The following CDH23 variants were observed in gnomAD, a reference collection of about 807,000 sequenced individuals.
CDH23 encodes the protein cadherin-23.
A neutral mutation model predicts 317.1 loss-of-function variants in CDH23; 189 were observed. The ratio of observed to expected loss-of-function variants is 0.60; its 90% CI spans 0.53 to 0.67. CDH23 has a LOEUF of 0.67. Among genes scored for constraint, CDH23 ranks in the 30% least tolerant of loss-of-function variants. CDH23 has a pLI of 0.00. For missense variants in CDH23, 4,401 were observed against 4,592.4 expected, an observed-to-expected ratio of 0.96 and a Z score of 1.20; for synonymous variants, 1,839 against 1,876.8, an observed-to-expected ratio of 0.98 and a Z score of 0.52.
chr10:71,485,188 G>A (rs1173221935), intron 3 of CDH23, among the ~76,000 whole-genome samples: 2 of 151,784 alleles, frequency 1.3e-5, no homozygotes, highest in Admixed American at 6.6e-5. Context: ...CACCATGCCC[G>A]GCTAATTTTT....
chr10:71,620,445 T>C (rs754854818), intron 11 of CDH23, among the ~76,000 whole-genome samples: 1 of 152,096 alleles, frequency 6.6e-6, no homozygotes, highest in Non-Finnish European at 1.5e-5. Context: ...CCCCAACTGG[T>C]TGGGGGCAAT....
At chr10:71,797,242 T>C in intron 49 of CDH23, 22 bp downstream of exon 49, 1 of 1,535,396 alleles carries the variant, frequency 6.5e-7, no homozygotes, top group South Asian at 1.1e-5. Flanking sequence ...TGCAGACATC[T>C]CTCATTGGTC....
At chr10:71,773,324 C>CTT (rs937997078) in intron 38 of CDH23, 2 of 1,574,660 alleles carry the variant, frequency 1.3e-6, no homozygotes, top group Non-Finnish European at 8.6e-7. Context: ...CTTCTCCCAG[C>CTT]TTTTTCCCAG....
Position 71,397,184 on chromosome 10 carries a change from C to G in CDH23, c.-140C>G. ...GGAGACCCAGGAGCTGCCGGCACGC[C>G]GCGGATGAGCCTTCGCGCCGGCGGG... is the stretch of plus-strand genomic sequence containing the variant. On this transcript the variant is annotated 5_prime_UTR_variant, in exon 1 of 70. Coordinates refer to ENST00000224721, the MANE Select transcript of CDH23 (RefSeq NM_022124.6). The surrounding 1 kb of genome is among the most constrained non-coding windows in gnomAD (Gnocchi z 4.8). 4.2e-6 allele frequency: 1 copy of G among 239,446 alleles called. No individual in the cohort carries two copies. The highest frequency in any genetic ancestry group is 3.8e-5 in the South Asian group (1 of 26,598). The allele number at this position is 239,446 out of a possible 1,614,324, so 14.8% of individuals were successfully genotyped here. A position where few individuals can be genotyped will look rare whatever the true frequency, so the allele number is the denominator to read the frequency against.
intron 16 of CDH23, 139 bp from the exon 17 acceptor site, chr10:71,679,248 A>T: frequency 1.5e-6 from 1 of 664,904 alleles, no homozygotes; most frequent in Admixed American, 2.3e-5. Context: ...GTCCTGGGCC[A>T]GGACAAGACC....
chr10:71,462,475 T>A (rs925205348), intron 3 of CDH23, among the ~76,000 whole-genome samples: 4 of 152,174 alleles, frequency 2.6e-5, no homozygotes, highest in African/African-American at 7.2e-5. Context: ...GAACCCGCTG[T>A]CCTCAAGAGT....
rs1418418456 is a variant in CDH23, at chr10:71,675,075, G to A, written c.1450-37G>A. The A allele has an allele frequency of 1.0e-5, 16 of 1,598,228 alleles. No individual in the cohort carries two copies. The South Asian group carries it at 1.8e-4, about 18-fold the overall frequency. On this transcript the variant is annotated intron_variant, in intron 14 of 69. Coordinates refer to ENST00000224721, the MANE Select transcript of CDH23 (RefSeq NM_022124.6). ...CCTGTGGACCTGAAGCCTCAGCTGG[G>A]CCTGGCAGTAATGACTTCTTGTTCT...
At chr10:71,753,342 A>G (rs540960343) in intron 38 of CDH23, among the ~76,000 whole-genome samples, 35 of 152,330 alleles carry the variant, frequency 2.3e-4, no homozygotes, top group African/African-American at 8.4e-4. Flanking sequence ...GACCTTCAGG[A>G]TTTAAGTATC....
intron 28 of CDH23, chr10:71,715,931 C>T: frequency 6.9e-7 from 1 of 1,458,100 alleles, no homozygotes; most frequent in Non-Finnish European, 9.1e-7. Context: ...TTTGTGGACA[C>T]CCCATTACAT....
At chr10:71,546,438 G>A (rs1856287192) in intron 6 of CDH23, among the ~76,000 whole-genome samples, 1 of 152,168 alleles carries the variant, frequency 6.6e-6, no homozygotes, top group Non-Finnish European at 1.5e-5. Flanking sequence ...ATTTTAAGGT[G>A]GTGTAATAAA....
intron 3 of CDH23, among the ~76,000 whole-genome samples, chr10:71,459,411 G>A (rs75735345): frequency 0.055 from 8,305 of 152,154 alleles, 749 homozygotes; most frequent in African/African-American, 0.19. Flanking sequence ...ACCGTGCTTG[G>A]CAAATAGTAA....
At chr10:71,596,791 A>AG (rs768769907) in intron 9 of CDH23, among the ~76,000 whole-genome samples, 36 of 152,216 alleles carry the variant, frequency 2.4e-4, no homozygotes, top group Middle Eastern at 6.8e-3. Flanking sequence ...CGTGTTGGGC[A>AG]GGGGGGAGCA....
chr10:71,601,964 G>GT (rs1432990696), intron 9 of CDH23, among the ~76,000 whole-genome samples: 1 of 151,726 alleles, frequency 6.6e-6, no homozygotes, highest in African/African-American at 2.4e-5. Context: ...GCGGCGGAGG[G>GT]GGGGGGGCTC....
At chr10:71,403,986 G>T (rs1847980089) in intron 1 of CDH23, among the ~76,000 whole-genome samples, 1 of 152,168 alleles carries the variant, frequency 6.6e-6, no homozygotes, top group African/African-American at 2.4e-5. Flanking sequence ...CAGTTTTTCG[G>T]AAAACTGAGG....
chr10:71,582,709 G>T (rs567972915), intron 9 of CDH23, among the ~76,000 whole-genome samples: 4 of 152,172 alleles, frequency 2.6e-5, no homozygotes, highest in African/African-American at 9.7e-5. Context: ...ACCTGATCTC[G>T]TAGCTAAGGC....
At position 71,812,892 on chromosome 10, in the gene CDH23, TGAGCCTTCCCTGCAGGCTCCGC is replaced by T. The variant is rs1218676889; in HGVS notation, c.9633+4_9633+25del. 3.1e-6 allele frequency: 5 copies of T among 1,613,274 alleles called. No homozygotes were observed. Among genetic ancestry groups the T allele is most frequent in the Non-Finnish European group, 4.2e-6 (5 of 1,179,602 alleles). ...ATCATTCGTGAGGGGCCAATCAAGGTGAGCCTTCCCTGCAGGCTCCGCGCCCAGTCCCTTGGCTGAGGTTGGA... is the reference window on the plus strand; with the variant it reads ...ATCATTCGTGAGGGGCCAATCAAGGTGCCCAGTCCCTTGGCTGAGGTTGGA... On this transcript the variant is annotated splice_donor_5th_base_variant and intron_variant, in intron 68 of 69. Transcript: ENST00000224721.
intron 24 of CDH23, among the ~76,000 whole-genome samples, chr10:71,704,237 A>G (rs953645946): frequency 4.6e-5 from 7 of 152,146 alleles, no homozygotes; most frequent in African/African-American, 1.4e-4. Context: ...TTTATTTATT[A>G]TTACACATTT....
At chr10:71,535,446 G>A (rs2132272885) in intron 6 of CDH23, among the ~76,000 whole-genome samples, 1 of 152,310 alleles carries the variant, frequency 6.6e-6, no homozygotes, top group African/African-American at 2.4e-5. Context: ...TGACTTCCAG[G>A]CCTAGTGGGC....
intron 25 of CDH23, among the ~76,000 whole-genome samples, chr10:71,706,238 C>T (rs1371335262): frequency 1.3e-5 from 2 of 152,298 alleles, no homozygotes; most frequent in Non-Finnish European, 2.9e-5. Context: ...AGGGGCCTAG[C>T]ATGCAGAGCG....
Sources: gnomAD v4.1 joint callset for allele counts (sites outside exome capture counted in the v4.1 genomes callset) on GRCh38, gnomAD v4.1.1 for gene constraint, Gnocchi (gnomAD v3.1) non-coding constraint, MANE v1.5 for transcripts, NCBI Gene and HGNC (gene_info 2026-07-23, HGNC 2026-07-21) for gene names.